The following STXBP5 variants were observed in gnomAD, a reference collection of about 807,000 sequenced individuals.
STXBP5 encodes syntaxin binding protein 5, also known as syntaxin-binding protein 5.
Under a neutral mutation model 152.4 loss-of-function variants are expected in STXBP5, and 50 were observed. That is an observed-to-expected ratio of 0.33 (90% CI 0.26 to 0.42). The LOEUF is 0.42. Ranked by LOEUF, STXBP5 falls within the 10% of genes least tolerant of loss-of-function variation. The pLI is 1.00. For synonymous variants in STXBP5, 492 were observed against 494.7 expected, an observed-to-expected ratio of 0.99 and a Z score of 0.07; for missense variants, 1,167 against 1,388.6, an observed-to-expected ratio of 0.84 and a Z score of 2.54.
chr6:147,308,522 G>T (rs1273922496), intron 9 of STXBP5, among the ~76,000 whole-genome samples: 1 of 152,040 alleles, frequency 6.6e-6, no homozygotes, highest in African/African-American at 2.4e-5. Flanking sequence ...AGGCACTGTT[G>T]TGGATGCAGC....
chr6:147,359,967 C>G (rs564175430), intron 23 of STXBP5, among the ~76,000 whole-genome samples: 3 of 151,992 alleles, frequency 2.0e-5, no homozygotes, highest in Non-Finnish European at 2.9e-5. Flanking sequence ...ACAAACAACC[C>G]CATCAAAAAG....
intron 16 of STXBP5, among the ~76,000 whole-genome samples, chr6:147,318,248 CAG>C (rs1202817453): frequency 2.0e-5 from 3 of 152,126 alleles, no homozygotes; most frequent in African/African-American, 7.2e-5. Flanking sequence ...CTGTTTGGAC[CAG>C]AGTGACAAGA....
intron 2 of STXBP5, among the ~76,000 whole-genome samples, chr6:147,213,465 T>C (rs1582791564): frequency 2.4e-5 from 3 of 125,154 alleles, no homozygotes; most frequent in Non-Finnish European, 5.4e-5. Flanking sequence ...TGTGTGTGTG[T>C]GTGTGTGTGT....
intron 26 of STXBP5, among the ~76,000 whole-genome samples, chr6:147,379,950 A>G (rs1460061865): frequency 1.3e-5 from 2 of 152,172 alleles, no homozygotes; most frequent in Non-Finnish European, 2.9e-5. Flanking sequence ...GACATGTACA[A>G]TAAAAACTTC....
intron 2 of STXBP5, among the ~76,000 whole-genome samples, chr6:147,209,080 A>G (rs1022087765): frequency 6.6e-6 from 1 of 152,102 alleles, no homozygotes; most frequent in African/African-American, 2.4e-5. Flanking sequence ...AAATTGCTTC[A>G]TACTTTAATC....
chr6:147,339,399 T>C lies in STXBP5; in HGVS notation c.2254+15T>C, dbSNP rs776215206. ...CAATGATATAGGTAGGAAATAGAAATTTCTATTTTGTTTCTAATCCTTGCT... is the reference window on the plus strand; with the variant it reads ...CAATGATATAGGTAGGAAATAGAAACTTCTATTTTGTTTCTAATCCTTGCT... On this transcript the variant is annotated intron_variant, in intron 21 of 27. Transcript: ENST00000321680. 6.8e-7 allele frequency: 1 copy of C among 1,479,206 alleles called. No homozygotes were observed. Among genetic ancestry groups the C allele is most frequent in the South Asian group, 1.4e-5 (1 of 70,258 alleles). 91.6% of individuals were successfully genotyped at this position (1,479,206 alleles called of 1,614,324 possible). A position where few individuals can be genotyped will look rare whatever the true frequency, so the allele number is the denominator to read the frequency against.
intron 2 of STXBP5, 28 bp from the exon 3 acceptor site, chr6:147,235,222 A>G (rs1207666197): frequency 6.2e-7 from 1 of 1,606,908 alleles, no homozygotes; most frequent in South Asian, 1.1e-5. Flanking sequence ...AACAAATACC[A>G]TAAACTCCTT....
intron 2 of STXBP5, among the ~76,000 whole-genome samples, chr6:147,224,223 C>T (rs1472828089): frequency 6.6e-6 from 1 of 152,190 alleles, no homozygotes; most frequent in African/African-American, 2.4e-5. Context: ...GCCAGGAGTT[C>T]AAGACCAGCC....
intron 9 of STXBP5, among the ~76,000 whole-genome samples, chr6:147,300,737 G>A (rs1172687982): frequency 1.3e-5 from 2 of 152,024 alleles, no homozygotes; most frequent in African/African-American, 4.8e-5. Context: ...CACGATATGG[G>A]ACTGGGCAAA....
chr6:147,344,492 G>A (rs1054656964), intron 21 of STXBP5, among the ~76,000 whole-genome samples: 2 of 152,160 alleles, frequency 1.3e-5, no homozygotes, highest in Admixed American at 6.5e-5. Flanking sequence ...TAAACAATTC[G>A]GGAGGTTAGA....
rs1481747587 is a variant in STXBP5 at position 147,389,657 on chromosome 6, G to A, written c.*4902G>A. 2 of 151,768 alleles carry A rather than the reference G, an allele frequency of 1.3e-5. No individual in the cohort carries two copies. The highest frequency in any genetic ancestry group is 2.4e-5 in the African/African-American group (1 of 41,402). 9.4% of individuals were successfully genotyped at this position (151,768 alleles called of 1,614,324 possible). A position where few individuals can be genotyped will look rare whatever the true frequency, so the allele number is the denominator to read the frequency against. ...AAATGGATATAGGTTAATGGCAATGGAATCCTATTTATTTGGTAGTTGGTT... is the reference window on the plus strand; with the variant it reads ...AAATGGATATAGGTTAATGGCAATGAAATCCTATTTATTTGGTAGTTGGTT... On this transcript the variant is annotated 3_prime_UTR_variant, in exon 28 of 28. Coordinates refer to ENST00000321680, the MANE Select transcript of STXBP5 (RefSeq NM_001127715.4).
At chr6:147,377,800 GA>G (rs1785881944) in intron 26 of STXBP5, among the ~76,000 whole-genome samples, 1 of 152,010 alleles carries the variant, frequency 6.6e-6, no homozygotes, top group African/African-American at 2.4e-5. Context: ...GAGGGTGGGG[GA>G]CATAACTGTT....
At chr6:147,363,209 G>T (rs1785142561) in intron 23 of STXBP5, 126 bp from the exon 24 acceptor site, 1 of 990,640 alleles carries the variant, frequency 1.0e-6, no homozygotes, top group Non-Finnish European at 1.4e-6. Flanking sequence ...CTGTCAATGA[G>T]CCAGTGTTCA....
At position 147,243,012 on chromosome 6, in the gene STXBP5, GT is replaced by G. The variant is rs1475726937; in HGVS notation, c.431+3747del. On this transcript the variant is annotated intron_variant, in intron 4 of 27. Coordinates refer to ENST00000321680, the MANE Select transcript of STXBP5 (RefSeq NM_001127715.4). ...CATTCACCTATTGAAGGATATCTTG[GT>G]TTTTGCTTTTTTTGGCCATTATGAA... 3.9e-5 allele frequency among the ~76,000 whole-genome samples: 6 copies of G among 152,146 alleles called. No individual in the cohort carries two copies. The East Asian group carries it at 1.2e-3, about 29-fold the overall frequency.
intron 26 of STXBP5, 61 bp downstream of exon 26, chr6:147,373,903 AT>A (rs1204630265): frequency 2.0e-5 from 25 of 1,248,008 alleles, no homozygotes; most frequent in African/African-American, 1.1e-4. Context: ...CCATACAAAA[AT>A]TTTTTTATAC....
intron 26 of STXBP5, among the ~76,000 whole-genome samples, chr6:147,376,473 T>C (rs894751475): frequency 1.2e-4 from 18 of 152,168 alleles, no homozygotes; most frequent in Non-Finnish European, 7.4e-5. Context: ...TGGTAATAAA[T>C]GTAGGCAGAA....
chr6:147,206,422 T>G (rs1428451621), intron 2 of STXBP5, among the ~76,000 whole-genome samples: 4 of 152,188 alleles, frequency 2.6e-5, no homozygotes, highest in South Asian at 2.1e-4. Flanking sequence ...TAAAGACAAT[T>G]ACTTTTAAAA....
chr6:147,266,912 A>G (rs1779922484), intron 6 of STXBP5, among the ~76,000 whole-genome samples, 172 bp from the exon 7 acceptor site: 1 of 152,160 alleles, frequency 6.6e-6, no homozygotes. Flanking sequence ...TATGCCATAC[A>G]GTGTTCTCAT....
chr6:147,212,815 C>G (rs781008842), intron 2 of STXBP5, among the ~76,000 whole-genome samples: 2 of 152,146 alleles, frequency 1.3e-5, no homozygotes, highest in Non-Finnish European at 2.9e-5. Context: ...AAATGTCTTT[C>G]CTTGAAACAG....
Sources: allele counts gnomAD v4.1 joint callset (sites outside exome capture counted in the v4.1 genomes callset), GRCh38; gene constraint gnomAD v4.1.1; transcripts MANE v1.5; gene names NCBI Gene and HGNC (gene_info 2026-07-23, HGNC 2026-07-21).